Variants in CCDC178 observed in about 807,000 individuals in gnomAD.
The protein encoded by CCDC178 is coiled-coil domain-containing protein 178.
Under a neutral mutation model 117.4 loss-of-function variants are expected in CCDC178, and 126 were observed. The ratio of observed to expected loss-of-function variants is 1.07; its 90% CI spans 0.93 to 1.24. The LOEUF is 1.24. CCDC178 is among the 50% of genes most tolerant of loss of function. The pLI, the probability that CCDC178 is intolerant of heterozygous loss-of-function variation, is 0.00. For missense variants in CCDC178, 1,030 were observed against 986.9 expected, an observed-to-expected ratio of 1.04 and a Z score of -0.59; for synonymous variants, 283 against 313.4, an observed-to-expected ratio of 0.90 and a Z score of 1.02.
intron 20 of CCDC178, among the ~76,000 whole-genome samples, chr18:33,133,962 A>C (rs1166603792): frequency 1.3e-5 from 2 of 151,972 alleles, no homozygotes; most frequent in South Asian, 4.1e-4. Flanking sequence ...GGCAAAGAGG[A>C]AAATCATTAA....
intron 2 of CCDC178, among the ~76,000 whole-genome samples, chr18:33,430,918 C>T (rs985192741): frequency 6.6e-6 from 1 of 151,374 alleles, no homozygotes. Flanking sequence ...TAAAAACACA[C>T]AAAAAAATTA....
chr18:33,397,907 C>A (rs1330254597), intron 3 of CCDC178, among the ~76,000 whole-genome samples: 1 of 151,702 alleles, frequency 6.6e-6, no homozygotes, highest in African/African-American at 2.4e-5. Context: ...TGTGGTAGTA[C>A]AAAATATTAC....
chr18:33,038,255 G>T (rs2056481775), intron 21 of CCDC178, among the ~76,000 whole-genome samples: 1 of 151,746 alleles, frequency 6.6e-6, no homozygotes, highest in Admixed American at 6.6e-5. Context: ...AGACAGATTG[G>T]AAAACTATGA....
At chr18:33,259,915 G>A (rs1326248780) in intron 14 of CCDC178, among the ~76,000 whole-genome samples, 2 of 152,060 alleles carry the variant, frequency 1.3e-5, no homozygotes, top group African/African-American at 4.8e-5. Flanking sequence ...AACAATTTAT[G>A]TAATTTAATA....
At chr18:32,940,407 T>C (rs942536082) in intron 22 of CCDC178, among the ~76,000 whole-genome samples, 1 of 152,060 alleles carries the variant, frequency 6.6e-6, no homozygotes, top group Non-Finnish European at 1.5e-5. Flanking sequence ...AATTTACTGA[T>C]TGATACCAGA....
At chr18:33,206,206 A>C (rs958752951) in intron 20 of CCDC178, among the ~76,000 whole-genome samples, 1 of 152,196 alleles carries the variant, frequency 6.6e-6, no homozygotes, top group Non-Finnish European at 1.5e-5. Flanking sequence ...AAAAACATTA[A>C]ATGCGATCAC....
intron 11 of CCDC178, among the ~76,000 whole-genome samples, chr18:33,305,770 A>C (rs2062239700): frequency 6.6e-6 from 1 of 152,072 alleles, no homozygotes; most frequent in African/African-American, 2.4e-5. Context: ...TCCTTGCTGA[A>C]GCCCCACAGA....
intron 21 of CCDC178, among the ~76,000 whole-genome samples, chr18:33,034,820 T>G (rs2056411786): frequency 6.6e-6 from 1 of 152,074 alleles, no homozygotes. Context: ...ATTGAATTAA[T>G]TATAATTCAT....
chr18:33,365,242 G>A (rs946907872), intron 6 of CCDC178, among the ~76,000 whole-genome samples: 1 of 152,104 alleles, frequency 6.6e-6, no homozygotes, highest in African/African-American at 2.4e-5. Flanking sequence ...GGTGTTAAAT[G>A]TTAGGTTTCA....
chr18:33,159,417 A>G (rs1405742386), intron 20 of CCDC178, among the ~76,000 whole-genome samples: 1 of 152,140 alleles, frequency 6.6e-6, no homozygotes, highest in Non-Finnish European at 1.5e-5. Flanking sequence ...ACAGTTCCAA[A>G]GATCAGAAGT....
At chr18:33,089,173 A>G (rs1209916252) in intron 21 of CCDC178, among the ~76,000 whole-genome samples, 3 of 152,134 alleles carry the variant, frequency 2.0e-5, no homozygotes, top group Non-Finnish European at 4.4e-5. Flanking sequence ...TCAGTTGAGC[A>G]CTAGAGATAT....
chr18:33,060,568 T>A (rs917667763), intron 21 of CCDC178, among the ~76,000 whole-genome samples: 3 of 152,104 alleles, frequency 2.0e-5, no homozygotes, highest in African/African-American at 7.2e-5. Context: ...ATTTTTAGTT[T>A]CTGAAGTAGC....
intron 21 of CCDC178, among the ~76,000 whole-genome samples, chr18:32,983,118 C>A (rs1598753408): frequency 6.6e-6 from 1 of 151,306 alleles, no homozygotes; most frequent in South Asian, 2.1e-4. Flanking sequence ...AGCCCCAAAA[C>A]TCCTCTAAAA....
At chr18:33,066,368 A>G (rs1277757795) in intron 21 of CCDC178, among the ~76,000 whole-genome samples, 1 of 152,188 alleles carries the variant, frequency 6.6e-6, no homozygotes, top group Non-Finnish European at 1.5e-5. Context: ...AAACGACTCA[A>G]ATGTAATCAC....
intron 2 of CCDC178, among the ~76,000 whole-genome samples, chr18:33,414,116 C>T (rs1031503721): frequency 1.3e-5 from 2 of 152,108 alleles, no homozygotes; most frequent in Non-Finnish European, 2.9e-5. Flanking sequence ...GAAAACTTTG[C>T]TTAACATCTT....
chr18:32,984,028 A>C (rs1238666008), intron 21 of CCDC178, among the ~76,000 whole-genome samples: 1 of 152,014 alleles, frequency 6.6e-6, no homozygotes, highest in Non-Finnish European at 1.5e-5. Context: ...AAAAGTAATG[A>C]GATATTTCTT....
At chr18:32,940,752 T>C (rs975676955) in intron 22 of CCDC178, among the ~76,000 whole-genome samples, 25 of 152,080 alleles carry the variant, frequency 1.6e-4, no homozygotes, top group African/African-American at 5.6e-4. Context: ...TTATTTTAAA[T>C]AATAAATTAA....
At chr18:33,046,419 A>G (rs1035272014) in intron 21 of CCDC178, among the ~76,000 whole-genome samples, 10 of 152,120 alleles carry the variant, frequency 6.6e-5, no homozygotes, top group Non-Finnish European at 1.3e-4. Flanking sequence ...CTCATTTTTG[A>G]TGGCCTAGAG....
At chr18:33,261,107 A>C (rs563621513) in intron 14 of CCDC178, among the ~76,000 whole-genome samples, 14 of 149,050 alleles carry the variant, frequency 9.4e-5, no homozygotes, top group Non-Finnish European at 2.1e-4. Flanking sequence ...TTGTTGAGAC[A>C]CAGTCTCGCT....
Sources: allele counts gnomAD v4.1 joint callset (sites outside exome capture counted in the v4.1 genomes callset), GRCh38; gene constraint gnomAD v4.1.1; transcripts MANE v1.5; gene names NCBI Gene and HGNC (gene_info 2026-07-23, HGNC 2026-07-21).